The following ST6GALNAC3 variants were observed in gnomAD, a reference collection of about 807,000 sequenced individuals.
ST6GALNAC3 encodes the protein alpha-N-acetylgalactosaminide alpha-2,6-sialyltransferase 3.
In ST6GALNAC3, 25 loss-of-function variants were observed where a neutral mutation model predicts 32.7. The observed-to-expected ratio is 0.76, with a 90% CI of 0.56 to 1.07. The LOEUF (loss-of-function observed/expected upper bound fraction) is 1.07, where lower values mean the gene tolerates loss of function less well. Ranked by LOEUF, ST6GALNAC3 falls within the 50% of genes least tolerant of loss-of-function variation. The pLI, the probability that ST6GALNAC3 is intolerant of heterozygous loss-of-function variation, is 0.00. For missense variants in ST6GALNAC3, 355 were observed against 382.4 expected, an observed-to-expected ratio of 0.93 and a Z score of 0.60; for synonymous variants, 129 against 133.1, an observed-to-expected ratio of 0.97 and a Z score of 0.21.
chr1:76,393,156 T>C (rs1652693936), intron 2 of ST6GALNAC3, among the ~76,000 whole-genome samples: 1 of 152,198 alleles, frequency 6.6e-6, no homozygotes. Context: ...TTTTCAAATG[T>C]TTTAAAGTAA....
chr1:76,253,494 T>A (rs1224193430), intron 1 of ST6GALNAC3, among the ~76,000 whole-genome samples: 1 of 152,094 alleles, frequency 6.6e-6, no homozygotes, highest in Non-Finnish European at 1.5e-5. Flanking sequence ...TGGAAAGAGA[T>A]TATGTCAACA....
intron 3 of ST6GALNAC3, among the ~76,000 whole-genome samples, chr1:76,558,808 G>A (rs1454577607): frequency 6.6e-6 from 1 of 152,134 alleles, no homozygotes; most frequent in Non-Finnish European, 1.5e-5. Context: ...CTATGCCAAT[G>A]TTTTGAATTT....
chr1:76,500,593 C>T (rs973765469), intron 3 of ST6GALNAC3, among the ~76,000 whole-genome samples: 2 of 152,086 alleles, frequency 1.3e-5, no homozygotes, highest in African/African-American at 4.8e-5. Context: ...AATTTATTTT[C>T]CCCTTTTAAT....
intron 3 of ST6GALNAC3, among the ~76,000 whole-genome samples, chr1:76,515,016 A>C (rs1173781376): frequency 6.6e-6 from 1 of 152,106 alleles, no homozygotes; most frequent in Non-Finnish European, 1.5e-5. Context: ...GAATCAGGGT[A>C]ATGCTGCCTC....
At chr1:76,504,457 C>A (rs142821704) in intron 3 of ST6GALNAC3, among the ~76,000 whole-genome samples, 52 of 152,132 alleles carry the variant, frequency 3.4e-4, no homozygotes, top group African/African-American at 1.1e-3. Context: ...TGGGGAGCCA[C>A]CATTCAACCT....
intron 1 of ST6GALNAC3, among the ~76,000 whole-genome samples, chr1:76,182,892 A>T (rs370081589): frequency 1.3e-5 from 2 of 152,108 alleles, no homozygotes; most frequent in African/African-American, 4.8e-5. Flanking sequence ...ATTACCTAAA[A>T]CAACTTTAGT....
At chr1:76,581,340 A>G (rs1398845571) in intron 3 of ST6GALNAC3, among the ~76,000 whole-genome samples, 1 of 152,158 alleles carries the variant, frequency 6.6e-6, no homozygotes, top group Non-Finnish European at 1.5e-5. Context: ...CATTCAAGTC[A>G]GTGTTTCATA....
chr1:76,556,654 C>T (rs315053), intron 3 of ST6GALNAC3, among the ~76,000 whole-genome samples: 9,106 of 152,166 alleles, frequency 0.06, 940 homozygotes, highest in African/African-American at 0.21. Context: ...CCTGTACTTA[C>T]TGACTATATA....
At chr1:76,485,405 T>C (rs1660041926) in intron 3 of ST6GALNAC3, among the ~76,000 whole-genome samples, 1 of 152,194 alleles carries the variant, frequency 6.6e-6, no homozygotes. Flanking sequence ...TCAGAGCCTG[T>C]TATTGGTCTA....
chr1:76,570,404 C>G (rs1665791868), intron 3 of ST6GALNAC3, among the ~76,000 whole-genome samples: 1 of 151,920 alleles, frequency 6.6e-6, no homozygotes, highest in African/African-American at 2.4e-5. Flanking sequence ...AGTAATTTCT[C>G]TGTACTCCAT....
At chr1:76,298,961 G>C (rs1408261458) in intron 1 of ST6GALNAC3, among the ~76,000 whole-genome samples, 1 of 151,888 alleles carries the variant, frequency 6.6e-6, no homozygotes, top group Non-Finnish European at 1.5e-5. Context: ...GCCCTGCGTT[G>C]GTGAACTGCT....
chr1:76,308,484 A>G (rs983247850), intron 1 of ST6GALNAC3, among the ~76,000 whole-genome samples: 2 of 152,108 alleles, frequency 1.3e-5, no homozygotes, highest in African/African-American at 2.4e-5. Context: ...TGTTTAATCT[A>G]ATTGGTGGTT....
At chr1:76,107,468 T>A (rs1049284657) in intron 1 of ST6GALNAC3, among the ~76,000 whole-genome samples, 17 of 152,216 alleles carry the variant, frequency 1.1e-4, no homozygotes, top group Non-Finnish European at 2.1e-4. Flanking sequence ...ATTGTCAAAG[T>A]TGTGTTCTAT....
At chr1:76,385,681 C>T (rs1652043037) in intron 2 of ST6GALNAC3, among the ~76,000 whole-genome samples, 1 of 151,974 alleles carries the variant, frequency 6.6e-6, no homozygotes, top group East Asian at 1.9e-4. Flanking sequence ...CCCTCGAATA[C>T]CTAGAACTAT....
At chr1:76,394,773 A>C (rs1652817831) in intron 2 of ST6GALNAC3, among the ~76,000 whole-genome samples, 1 of 152,140 alleles carries the variant, frequency 6.6e-6, no homozygotes, top group African/African-American at 2.4e-5. Flanking sequence ...TGGCTTATTA[A>C]ATAGGCTCTA....
At chr1:76,186,315 T>C (rs1653554014) in intron 1 of ST6GALNAC3, among the ~76,000 whole-genome samples, 1 of 152,168 alleles carries the variant, frequency 6.6e-6, no homozygotes, top group South Asian at 2.1e-4. Context: ...TTTGAGCATA[T>C]GGAATGTCCA....
Position 76,527,006 on chromosome 1 carries a change from C to T in ST6GALNAC3, c.624-100446C>T, listed in dbSNP as rs543126014. Among the ~76,000 whole-genome samples, 11 of 152,114 alleles carry T rather than the reference C, an allele frequency of 7.2e-5. No individual in the cohort carries two copies. In the South Asian group the frequency reaches 1.5e-3, roughly 20 times the overall value. Reference sequence around the variant, plus strand: ...TAGAAAATGAGATACAAAGCAAATACATAGTTCATGTTTTTGAGGATTTAC... The same window carrying T: ...TAGAAAATGAGATACAAAGCAAATATATAGTTCATGTTTTTGAGGATTTAC... On this transcript the variant is annotated intron_variant, in intron 3 of 4. Transcript: ENST00000328299.
At chr1:76,119,282 G>T (rs72992606) in intron 1 of ST6GALNAC3, among the ~76,000 whole-genome samples, 2,333 of 152,304 alleles carry the variant, frequency 0.015, 71 homozygotes, top group African/African-American at 0.054. Flanking sequence ...ATCCAAGTTT[G>T]CATCTCAGTG....
At chr1:76,281,210 A>G (rs1201357218) in intron 1 of ST6GALNAC3, among the ~76,000 whole-genome samples, 1 of 152,182 alleles carries the variant, frequency 6.6e-6, no homozygotes, top group Non-Finnish European at 1.5e-5. Context: ...GCCCTGAGAT[A>G]TTACCTTGAA....
Sources: allele counts gnomAD v4.1 joint callset (sites outside exome capture counted in the v4.1 genomes callset), GRCh38; gene constraint gnomAD v4.1.1; transcripts MANE v1.5; gene names NCBI Gene and HGNC (gene_info 2026-07-23, HGNC 2026-07-21).